The following DIPK2B variants were observed in gnomAD, a reference collection of about 807,000 sequenced individuals.
The protein encoded by DIPK2B is divergent protein kinase domain 2B.
A neutral mutation model predicts 22.2 loss-of-function variants in DIPK2B; 15 were observed. The ratio of observed to expected loss-of-function variants is 0.68; its 90% CI spans 0.45 to 1.04. The LOEUF is 1.04. DIPK2B is among the 50% of genes least tolerant of loss of function. The pLI is 0.00. For synonymous variants in DIPK2B, 163 were observed against 153.2 expected (o/e 1.06, Z -0.47); for missense variants, 345 against 348.3 (o/e 0.99, Z 0.08).
chrX:45,175,847 G>A (rs908603809), intron 2 of DIPK2B, among the ~76,000 whole-genome samples: 3 of 106,874 alleles, frequency 2.8e-5, no homozygotes, highest in Non-Finnish European at 5.8e-5. Context: ...TCCATTTTTT[G>A]GGAGGGTAGC....
intron 3 of DIPK2B, among the ~76,000 whole-genome samples, chrX:45,155,861 A>G (rs1180324823): frequency 9.3e-6 from 1 of 107,853 alleles, no homozygotes; most frequent in Non-Finnish European, 1.9e-5. Flanking sequence ...AGTCATCCCC[A>G]TCTCTGATGG....
chrX:45,151,974 C>T lies in DIPK2B; in HGVS notation c.980G>A (p.Arg327Lys). Residue 327 changes from arginine to lysine, a missense_variant, in exon 5 of 5, where the codon AGG becomes AAG. Coordinates refer to ENST00000398000, the MANE Select transcript of DIPK2B (RefSeq NM_176819.4). ...DKQEGSQEAN[R>K]AGENKDIFSC... Reference sequence around the variant, plus strand: ...AAAAATGTCTTTATTCTCTCCTGCCCTGTTGGCTTCTTGGCTGCCTAGAAA... The same window carrying T: ...AAAAATGTCTTTATTCTCTCCTGCCTTGTTGGCTTCTTGGCTGCCTAGAAA... The T allele has an allele frequency of 1.7e-6, 2 of 1,174,091 alleles. No homozygotes were observed. The highest frequency in any genetic ancestry group is 2.3e-6 in the Non-Finnish European group (2 of 875,682).
intron 2 of DIPK2B, among the ~76,000 whole-genome samples, chrX:45,183,635 T>C (rs965001903): frequency 1.8e-5 from 2 of 111,865 alleles, no homozygotes; most frequent in Non-Finnish European, 3.8e-5. Context: ...AACAACTTTT[T>C]TTTCTTTGAC....
chrX:45,163,488 G>A, intron 2 of DIPK2B: 1 of 754,016 alleles, frequency 1.3e-6, no homozygotes, highest in Non-Finnish European at 1.6e-6. Context: ...CTGAATAGAG[G>A]AGAAGTAGCT....
chrX:45,190,816 C>A (rs1256533004), intron 2 of DIPK2B, among the ~76,000 whole-genome samples: 2 of 112,282 alleles, frequency 1.8e-5, no homozygotes, highest in African/African-American at 6.5e-5. Flanking sequence ...AAAGATGTAC[C>A]TGGCAGGTTG....
chrX:45,154,989 T>C (rs1488352991), intron 3 of DIPK2B, among the ~76,000 whole-genome samples: 1 of 111,967 alleles, frequency 8.9e-6, no homozygotes, highest in African/African-American at 3.2e-5. Context: ...AAGAAAAATA[T>C]TTTAAAAAAT....
At chrX:45,168,315 A>C (rs2047060393) in intron 2 of DIPK2B, among the ~76,000 whole-genome samples, 1 of 112,591 alleles carries the variant, frequency 8.9e-6, no homozygotes, top group African/African-American at 3.2e-5. Flanking sequence ...GACAGGAATG[A>C]GCTAAGAGTG....
chrX:45,153,758 T>C (rs908354318), intron 4 of DIPK2B, among the ~76,000 whole-genome samples, 152 bp downstream of exon 4: 2 of 110,006 alleles, frequency 1.8e-5, no homozygotes, highest in African/African-American at 6.6e-5. Flanking sequence ...ACATTTTACA[T>C]GAAATCTAAT....
intron 2 of DIPK2B, chrX:45,162,258 C>T: frequency 2.3e-6 from 1 of 442,814 alleles, no homozygotes; most frequent in Non-Finnish European, 2.8e-6. Context: ...TGAGCCTTTC[C>T]CACCAAGCCC....
chrX:45,170,465 C>A (rs767834537), intron 2 of DIPK2B, among the ~76,000 whole-genome samples: 15 of 111,800 alleles, frequency 1.3e-4, no homozygotes, highest in Non-Finnish European at 2.6e-4. Flanking sequence ...GAGGGTGATG[C>A]TTTGTAAATA....
chrX:45,172,653 A>G (rs1225083493), intron 2 of DIPK2B, among the ~76,000 whole-genome samples: 1 of 111,932 alleles, frequency 8.9e-6, no homozygotes, highest in Non-Finnish European at 1.9e-5. Context: ...TCACTGTGGC[A>G]GATGAAATAA....
intron 4 of DIPK2B, among the ~76,000 whole-genome samples, chrX:45,152,898 TC>T (rs1361623334): frequency 9.0e-6 from 1 of 111,174 alleles, no homozygotes; most frequent in African/African-American, 3.3e-5. Flanking sequence ...ACCACTGCAC[TC>T]CAGCCTGGGC....
At chrX:45,153,474 T>TTTTGTGTGTG (rs1556394303) in intron 4 of DIPK2B, among the ~76,000 whole-genome samples, 1 of 73,853 alleles carries the variant, frequency 1.4e-5, no homozygotes, top group Non-Finnish European at 2.6e-5. Context: ...CCCAAAAGTT[T>TTTTGTGTGTG]TGTGTGTGTG....
At chrX:45,168,138 G>A (rs1433397322) in intron 2 of DIPK2B, among the ~76,000 whole-genome samples, 8 of 112,524 alleles carry the variant, frequency 7.1e-5, no homozygotes, top group African/African-American at 9.7e-5. Flanking sequence ...CTCCCAAATC[G>A]TTTCAATGTT....
chrX:45,162,293 A>T, intron 2 of DIPK2B: 1 of 644,067 alleles, frequency 1.6e-6, no homozygotes, highest in Non-Finnish European at 1.9e-6. Flanking sequence ...ATTCATAAGC[A>T]AAATAAATGA....
intron 2 of DIPK2B, chrX:45,162,856 C>T: frequency 8.0e-6 from 6 of 754,284 alleles, no homozygotes; most frequent in Non-Finnish European, 9.4e-6. Flanking sequence ...TGGAATTTTG[C>T]TTGGCTATAT....
rs754182009 is a variant in DIPK2B, at chrX:45,168,737, C to CCTCTT, written c.499-10854_499-10850dup. On this transcript the variant is annotated intron_variant, in intron 2 of 4. Transcript: ENST00000398000. ...TCCCGCATGTCTTCTCCGTGTCTCC[C>CCTCTT]CTCTTCAGGCCAACTGCCTGCGTCC... Among the ~76,000 whole-genome samples, 539 of 112,214 alleles carry CCTCTT rather than the reference C, an allele frequency of 4.8e-3. 3 individuals carry two copies. Among genetic ancestry groups the CCTCTT allele is most frequent in the Non-Finnish European group, 7.5e-3 (397 of 53,195 alleles).
rs767912326 is a variant in DIPK2B, at chrX:45,200,798, G to A, written c.29C>T (p.Ala10Val). Reference protein sequence around the residue: MEPQLGPEAAALRPGWLALL... With the variant: MEPQLGPEAVALRPGWLALL... ...GGCCAGCCAGCCAGGGCGGAGGGCG[G>A]CAGCCTCAGGCCCCAGCTGGGGCTC... The change falls in exon 1 of 5, where the codon GCC becomes GTC. Residue 10 changes from alanine (A) to valine (V), a missense_variant. Coordinates refer to ENST00000398000, the MANE Select transcript of DIPK2B (RefSeq NM_176819.4). 12 of 1,194,043 alleles carry A rather than the reference G, an allele frequency of 1.0e-5. No homozygotes were observed. The highest frequency in any genetic ancestry group is 1.1e-5 in the Non-Finnish European group (10 of 886,543).
At chrX:45,186,760 G>C (rs1165173057) in intron 2 of DIPK2B, among the ~76,000 whole-genome samples, 1 of 111,915 alleles carries the variant, frequency 8.9e-6, no homozygotes, top group African/African-American at 3.3e-5. Flanking sequence ...GTATCAGAAC[G>C]AATCGAATAT....
Sources: gnomAD v4.1 joint callset for allele counts (sites outside exome capture counted in the v4.1 genomes callset) on GRCh38, gnomAD v4.1.1 for gene constraint, MANE v1.5 for transcripts, NCBI Gene and HGNC (gene_info 2026-07-23, HGNC 2026-07-21) for gene names.